Variants in EXOC6B observed in about 807,000 individuals in gnomAD.
EXOC6B encodes exocyst complex component 6B.
In EXOC6B, 54 loss-of-function variants were observed where a neutral mutation model predicts 113.5. That is an observed-to-expected ratio of 0.48 (90% CI 0.38 to 0.60). EXOC6B has a LOEUF of 0.60. Ranked by LOEUF, EXOC6B falls within the 20% of genes least tolerant of loss-of-function variation. The probability of loss-of-function intolerance (pLI) is 0.00; values close to 1 mark genes in which losing one functional copy is unlikely to be tolerated. For synonymous variants in EXOC6B, 357 were observed against 339.0 expected (o/e 1.05, Z -0.58); for missense variants, 797 against 977.5 (o/e 0.82, Z 2.46).
intron 18 of EXOC6B, among the ~76,000 whole-genome samples, chr2:72,385,508 A>T (rs1397338611): frequency 6.6e-6 from 1 of 152,038 alleles, no homozygotes; most frequent in Non-Finnish European, 1.5e-5. Flanking sequence ...GCAAAAACAG[A>T]CACACAGGAT....
chr2:72,522,240 C>T (rs148625867), intron 8 of EXOC6B, among the ~76,000 whole-genome samples: 1 of 152,218 alleles, frequency 6.6e-6, no homozygotes, highest in East Asian at 1.9e-4. Flanking sequence ...ACTTGATTTA[C>T]TAAATTCATA....
In EXOC6B at chr2:72,179,322, C is replaced by G; in HGVS notation, c.*13G>C. 6.3e-7 allele frequency: 1 copy of G among 1,591,358 alleles called. No homozygotes were observed. The highest frequency in any genetic ancestry group is 8.6e-7 in the Non-Finnish European group (1 of 1,167,934). On this transcript the variant is annotated 3_prime_UTR_variant, in exon 22 of 22. Transcript: ENST00000272427. ...GCTGCAGCAGGTCGCCTCTGTGGGT[C>G]CGGGGTCACCCTTCATGAGTGGTGG...
intron 20 of EXOC6B, among the ~76,000 whole-genome samples, chr2:72,203,264 G>A (rs35583916): frequency 0.011 from 1,698 of 152,206 alleles, 9 homozygotes; most frequent in Non-Finnish European, 0.017. Context: ...ATCAGTCCCA[G>A]GCACAATATT....
At chr2:72,586,707 G>A (rs1017164114) in intron 6 of EXOC6B, among the ~76,000 whole-genome samples, 35 of 151,958 alleles carry the variant, frequency 2.3e-4, no homozygotes, top group African/African-American at 7.7e-4. Context: ...AGCTGAGATC[G>A]CGCCACTGCA....
At chr2:72,378,471 T>C (rs1691489380) in intron 19 of EXOC6B, among the ~76,000 whole-genome samples, 1 of 152,208 alleles carries the variant, frequency 6.6e-6, no homozygotes. Context: ...TTTCCCCTTC[T>C]TTGAAGGATC....
At chr2:72,717,976 G>A in intron 6 of EXOC6B, 127 bp downstream of exon 6, 1 of 635,294 alleles carries the variant, frequency 1.6e-6, no homozygotes, top group Non-Finnish European at 2.6e-6. Context: ...CCATAAATAT[G>A]AAGGACTTCC....
chr2:72,187,588 T>C (rs1456866679), intron 20 of EXOC6B, among the ~76,000 whole-genome samples: 2 of 152,034 alleles, frequency 1.3e-5, no homozygotes, highest in African/African-American at 4.8e-5. Flanking sequence ...GTTGTCTCGA[T>C]AAGTGTTCAG....
At position 72,477,665 on chromosome 2, in the gene EXOC6B, A is replaced by G. The variant is rs148788072; in HGVS notation, c.1800+2951T>C. Among the ~76,000 whole-genome samples the G allele has an allele frequency of 1.3e-5, 2 of 152,336 alleles. 1 individual carries two copies. The highest frequency in any genetic ancestry group is 3.9e-4 in the East Asian group (2 of 5,178). On this transcript the variant is annotated intron_variant, in intron 17 of 21. Transcript: ENST00000272427. ...CAGAATACAATGTACAGTATTTATG[A>G]TGGCCTACAAGGCCAGAAATAATTT...
chr2:72,470,951 G>C (rs947531786), intron 17 of EXOC6B, among the ~76,000 whole-genome samples: 1 of 152,164 alleles, frequency 6.6e-6, no homozygotes, highest in Non-Finnish European at 1.5e-5. Context: ...CTTTATAGCA[G>C]CATGATTTGT....
chr2:72,793,189 C>T (rs1684770857), intron 1 of EXOC6B, among the ~76,000 whole-genome samples: 1 of 152,030 alleles, frequency 6.6e-6, no homozygotes, highest in African/African-American at 2.4e-5. Flanking sequence ...GGGAAATGCA[C>T]CAAAATTTCT....
chr2:72,623,384 A>G (rs529859177), intron 6 of EXOC6B, among the ~76,000 whole-genome samples: 28 of 152,318 alleles, frequency 1.8e-4, no homozygotes, highest in African/African-American at 6.3e-4. Flanking sequence ...GTATTTGCTC[A>G]ACATTTATTT....
chr2:72,176,073 G>A lies in EXOC6B; in HGVS notation c.*3262C>T, dbSNP rs1273183743. 1 of 152,202 alleles carries A rather than the reference G, an allele frequency of 6.6e-6. No individual in the cohort carries two copies. Among genetic ancestry groups the A allele is most frequent in the Non-Finnish European group, 1.5e-5 (1 of 68,036 alleles). 9.4% of individuals were successfully genotyped at this position (152,202 alleles called of 1,614,324 possible). A position where few individuals can be genotyped will look rare whatever the true frequency, so the allele number is the denominator to read the frequency against. The stretch of plus-strand genomic sequence containing the variant: ...GAGGAATAAACATGCTCTTTTCACA[G>A]AGGAGCTTTCCCCTAACCATGCGGC... On this transcript the variant is annotated 3_prime_UTR_variant, in exon 22 of 22. Transcript: ENST00000272427.
chr2:72,557,877 T>G (rs147306691), intron 8 of EXOC6B, among the ~76,000 whole-genome samples: 1 of 152,256 alleles, frequency 6.6e-6, no homozygotes, highest in East Asian at 1.9e-4. Context: ...TGTCCGAAAA[T>G]ACACAGAACA....
At chr2:72,715,601 A>G (rs1471773412) in intron 6 of EXOC6B, among the ~76,000 whole-genome samples, 1 of 152,034 alleles carries the variant, frequency 6.6e-6, no homozygotes, top group Non-Finnish European at 1.5e-5. Context: ...TTCCCCTACT[A>G]CCAGAGCAGA....
At chr2:72,180,612 G>T (rs1379486487) in intron 21 of EXOC6B, among the ~76,000 whole-genome samples, 1 of 152,168 alleles carries the variant, frequency 6.6e-6, no homozygotes, top group African/African-American at 2.4e-5. Flanking sequence ...ATGGAGACAG[G>T]CTAGAAGAGA....
intron 6 of EXOC6B, among the ~76,000 whole-genome samples, chr2:72,700,766 T>C (rs1678262965): frequency 6.6e-6 from 1 of 152,070 alleles, no homozygotes; most frequent in South Asian, 2.1e-4. Flanking sequence ...GCCTTGCCAA[T>C]ATGGCAAAAC....
intron 20 of EXOC6B, among the ~76,000 whole-genome samples, chr2:72,315,803 C>T (rs989621719): frequency 1.3e-5 from 2 of 151,982 alleles, no homozygotes; most frequent in South Asian, 2.1e-4. Flanking sequence ...ATGGGGAAAT[C>T]GGGAACTTAC....
intron 1 of EXOC6B, among the ~76,000 whole-genome samples, chr2:72,807,698 A>G (rs777241958): frequency 2.9e-4 from 44 of 152,308 alleles, no homozygotes; most frequent in Non-Finnish European, 5.6e-4. Flanking sequence ...TTGCAATAAC[A>G]TGGTTACAAC....
chr2:72,634,548 G>T (rs1672696638), intron 6 of EXOC6B, among the ~76,000 whole-genome samples: 1 of 152,156 alleles, frequency 6.6e-6, no homozygotes, highest in Admixed American at 6.6e-5. Context: ...ATCTTACATG[G>T]TGTCAACAGA....
Sources: gnomAD v4.1 joint callset for allele counts (sites outside exome capture counted in the v4.1 genomes callset) on GRCh38, gnomAD v4.1.1 for gene constraint, MANE v1.5 for transcripts, NCBI Gene and HGNC (gene_info 2026-07-23, HGNC 2026-07-21) for gene names.